The following DCDC2 variants were observed in gnomAD, a reference collection of about 807,000 sequenced individuals.
The protein encoded by DCDC2 is doublecortin domain containing 2, also known as doublecortin domain-containing protein 2.
A neutral mutation model predicts 50.2 loss-of-function variants in DCDC2; 40 were observed. The observed-to-expected ratio is 0.80, with a 90% CI of 0.62 to 1.04. The LOEUF (loss-of-function observed/expected upper bound fraction) is 1.04, where lower values mean the gene tolerates loss of function less well. Ranked by LOEUF, DCDC2 falls within the 50% of genes least tolerant of loss-of-function variation. The pLI is 0.00. For missense variants in DCDC2, 570 were observed against 581.9 expected (o/e 0.98, Z 0.21); for synonymous variants, 234 against 210.6 (o/e 1.11, Z -0.96).
chr6:24,300,692 C>T (rs912705574), intron 4 of DCDC2, among the ~76,000 whole-genome samples: 2 of 152,174 alleles, frequency 1.3e-5, no homozygotes, highest in African/African-American at 2.4e-5. Flanking sequence ...TATTTTATCA[C>T]GTGTGTATGA....
chr6:24,339,740 T>C (rs1249534873), intron 2 of DCDC2, among the ~76,000 whole-genome samples: 2 of 152,176 alleles, frequency 1.3e-5, no homozygotes, highest in Non-Finnish European at 2.9e-5. Flanking sequence ...ACATGGTGCC[T>C]GGGACACACA....
intron 6 of DCDC2, among the ~76,000 whole-genome samples, chr6:24,280,742 G>A (rs1763452216): frequency 6.6e-6 from 1 of 151,976 alleles, no homozygotes; most frequent in Admixed American, 6.6e-5. Flanking sequence ...GTTTCACCAT[G>A]TTGACCAGGC....
At chr6:24,285,510 A>T (rs1561758564) in intron 6 of DCDC2, among the ~76,000 whole-genome samples, 1 of 152,184 alleles carries the variant, frequency 6.6e-6, no homozygotes, top group Non-Finnish European at 1.5e-5. Context: ...CGAGTATCAG[A>T]GAGAGCATCA....
chr6:24,247,348 T>C (rs1339817415), intron 7 of DCDC2, among the ~76,000 whole-genome samples: 1 of 151,796 alleles, frequency 6.6e-6, no homozygotes, highest in Non-Finnish European at 1.5e-5. Flanking sequence ...TATATATATA[T>C]AAAATCACAG....
rs200440372 is a variant in DCDC2, at chr6:24,284,610, CAAAA to C, written c.759+4238_759+4241del. ...TGGGCAACAGAGTGAGACTCTGTCT[CAAAA>C]AAAAAAAAAAAAAAATTTTTTTTGA... On this transcript the variant is annotated intron_variant, in intron 6 of 9. Coordinates refer to ENST00000378454, the MANE Select transcript of DCDC2 (RefSeq NM_016356.5). Among the ~76,000 whole-genome samples, 258 of 100,026 alleles carry C rather than the reference CAAAA, an allele frequency of 2.6e-3. 1 individual carries two copies. The highest frequency in any genetic ancestry group is 0.018 in the Middle Eastern group (3 of 170). The allele number at this position is 100,026 out of a possible 152,430, so 65.6% of individuals were successfully genotyped here. A position where few individuals can be genotyped will look rare whatever the true frequency, so the allele number is the denominator to read the frequency against.
chr6:24,326,168 A>AGGAT (rs1332774159), intron 2 of DCDC2, among the ~76,000 whole-genome samples: 1 of 126,954 alleles, frequency 7.9e-6, no homozygotes, highest in Non-Finnish European at 1.7e-5. Flanking sequence ...GAGGAAGGAA[A>AGGAT]GGAAGGAAGG....
chr6:24,330,191 G>A (rs1465534900), intron 2 of DCDC2, among the ~76,000 whole-genome samples: 1 of 152,140 alleles, frequency 6.6e-6, no homozygotes, highest in Non-Finnish European at 1.5e-5. Context: ...TCAATTCCTG[G>A]CTGATCCCTC....
rs570829275 is a variant in DCDC2, at chr6:24,320,227, T to G, written c.349-18183A>C. ...GGTTTCCTACTATTACAGAAAGAAG[T>G]TACAAATAAGGAACTGAGGCAGACT... is the stretch of plus-strand genomic sequence containing the variant. On this transcript the variant is annotated intron_variant, in intron 2 of 9. Transcript: ENST00000378454. Among the ~76,000 whole-genome samples the G allele has an allele frequency of 6.9e-4, 105 of 152,290 alleles. 1 individual carries two copies. Among genetic ancestry groups the G allele is most frequent in the African/African-American group, 2.5e-3 (105 of 41,550 alleles).
intron 8 of DCDC2, among the ~76,000 whole-genome samples, chr6:24,187,079 A>G (rs897588842): frequency 1.3e-5 from 2 of 151,836 alleles, no homozygotes; most frequent in African/African-American, 4.8e-5. Flanking sequence ...ATATACTAAT[A>G]CCTTCCCTCC....
intron 7 of DCDC2, among the ~76,000 whole-genome samples, chr6:24,243,859 T>G (rs1232971867): frequency 1.3e-5 from 2 of 152,200 alleles, no homozygotes; most frequent in Admixed American, 1.3e-4. Flanking sequence ...GGAAGAGAGA[T>G]AGGGAGAGAG....
the DCDC2 span, among the ~76,000 whole-genome samples, chr6:24,370,832 G>C: frequency 6.6e-6 from 1 of 152,244 alleles, no homozygotes; most frequent in Admixed American, 6.5e-5. Context: ...TAGCCAAAAA[G>C]TAGAAACAAC....
At chr6:24,244,961 G>A (rs1209570016) in intron 7 of DCDC2, among the ~76,000 whole-genome samples, 6 of 152,134 alleles carry the variant, frequency 3.9e-5, no homozygotes, top group African/African-American at 1.4e-4. Flanking sequence ...TTGGGAGGCC[G>A]AGGTGGGCAC....
rs572569815 is a variant in DCDC2 at position 24,249,995 on chromosome 6, C to G, written c.922+28054G>C. On this transcript the variant is annotated intron_variant, in intron 7 of 9. Transcript: ENST00000378454. ...TGACTGAACATAGTAATGGACTCATCAATTAGGCACTGACGAGAGCAGTAT... is the reference window on the plus strand; with the variant it reads ...TGACTGAACATAGTAATGGACTCATGAATTAGGCACTGACGAGAGCAGTAT... Among the ~76,000 whole-genome samples, 7 of 152,326 alleles carry G rather than the reference C, an allele frequency of 4.6e-5. No individual in the cohort carries two copies. The East Asian group carries it at 1.4e-3, about 29-fold the overall frequency.
intron 7 of DCDC2, among the ~76,000 whole-genome samples, chr6:24,273,495 A>G (rs908194674): frequency 2.0e-5 from 3 of 152,242 alleles, no homozygotes; most frequent in Non-Finnish European, 4.4e-5. Flanking sequence ...AGAGACACCA[A>G]TGAATCATAA....
At chr6:24,183,924 G>A (rs1761137304) in intron 8 of DCDC2, among the ~76,000 whole-genome samples, 1 of 152,206 alleles carries the variant, frequency 6.6e-6, no homozygotes, top group Non-Finnish European at 1.5e-5. Context: ...GTGTTTGCAG[G>A]TAGTGACAGG....
rs746300093 is a variant in DCDC2 at position 24,357,420 on chromosome 6, G to A, written c.293+38C>T. ...CTTCATATCAACCCCACACTATAGG[G>A]CACCTAAATGGGTGGGCGGTGGGGG... On this transcript the variant is annotated intron_variant, in intron 1 of 9. Transcript: ENST00000378454. 3 of 1,560,264 alleles carry A rather than the reference G, an allele frequency of 1.9e-6. No individual in the cohort carries two copies. In the Admixed American group the frequency reaches 5.5e-5, roughly 28 times the overall value.
At chr6:24,280,487 C>A (rs1206914585) in intron 6 of DCDC2, among the ~76,000 whole-genome samples, 2 of 151,816 alleles carry the variant, frequency 1.3e-5, no homozygotes, top group Admixed American at 6.6e-5. Context: ...TCAGCCAAGT[C>A]TCATAGTCCC....
At chr6:24,226,586 C>T (rs1762238635) in intron 7 of DCDC2, among the ~76,000 whole-genome samples, 1 of 152,178 alleles carries the variant, frequency 6.6e-6, no homozygotes, top group Non-Finnish European at 1.5e-5. Context: ...ATCTGTGTTT[C>T]AGAACAATAA....
Position 24,353,713 on chromosome 6 carries a change from CT to C in DCDC2, c.294-91del, listed in dbSNP as rs113544300. The C allele has an allele frequency of 2.9e-5, 23 of 797,546 alleles. 1 individual carries two copies. The African/African-American group carries it at 3.3e-4, about 12-fold the overall frequency. 49.4% of individuals were successfully genotyped at this position (797,546 alleles called of 1,614,324 possible). A position where few individuals can be genotyped will look rare whatever the true frequency, so the allele number is the denominator to read the frequency against. ...TAAAAATCATAAAAAAATAAAGCAA[CT>C]CATAGGAAATTCTCAACCTTAAAGC... On this transcript the variant is annotated intron_variant, in intron 1 of 9. Transcript: ENST00000378454.
Sources: gnomAD v4.1 joint callset for allele counts (sites outside exome capture counted in the v4.1 genomes callset) on GRCh38, gnomAD v4.1.1 for gene constraint, MANE v1.5 for transcripts, NCBI Gene and HGNC (gene_info 2026-07-23, HGNC 2026-07-21) for gene names.